The following HERC2 variants were observed in gnomAD, a reference collection of about 807,000 sequenced individuals.
HERC2 encodes E3 ubiquitin-protein ligase HERC2.
A neutral mutation model predicts 537.7 loss-of-function variants in HERC2; 102 were observed. The observed-to-expected ratio is 0.19, with a 90% CI of 0.16 to 0.22. The LOEUF is 0.22. HERC2 is among the 10% of genes least tolerant of loss of function. HERC2 has a pLI of 1.00. For synonymous variants in HERC2, 2,224 were observed against 2,466.2 expected, an observed-to-expected ratio of 0.90 and a Z score of 2.91; for missense variants, 4,236 against 6,198.2, an observed-to-expected ratio of 0.68 and a Z score of 10.63.
chr15:28,271,947 G>A (rs796328309), intron 9 of HERC2: 7 of 482,334 alleles, frequency 1.5e-5, no homozygotes, highest in East Asian at 3.5e-5. Context: ...AAAGCAGGCC[G>A]CTATTTTCGT....
intron 45 of HERC2, among the ~76,000 whole-genome samples, chr15:28,204,832 G>A (rs1898241580): frequency 6.6e-6 from 1 of 152,120 alleles, no homozygotes; most frequent in Admixed American, 6.5e-5. Flanking sequence ...CTACTAACAA[G>A]GAGAAGACTT....
In HERC2 at chr15:28,111,447, T is replaced by G; in HGVS notation, c.*316A>C. The G allele has an allele frequency of 8.8e-6, 3 of 339,730 alleles. No individual in the cohort carries two copies. The highest frequency in any genetic ancestry group is 1.6e-5 in the Non-Finnish European group (3 of 188,340). The allele number at this position is 339,730 out of a possible 1,614,324, so 21.0% of individuals were successfully genotyped here. Reference sequence around the variant, plus strand: ...GATTGCACCCACAAGTAAAAAGGCTTTATTCATTTTGGGGATGCTGCAATT... The same window carrying G: ...GATTGCACCCACAAGTAAAAAGGCTGTATTCATTTTGGGGATGCTGCAATT... On this transcript the variant is annotated 3_prime_UTR_variant, in exon 93 of 93. Coordinates refer to ENST00000261609, the MANE Select transcript of HERC2 (RefSeq NM_004667.6).
chr15:28,153,550 C>G (rs1039853572), intron 69 of HERC2, among the ~76,000 whole-genome samples: 12 of 152,082 alleles, frequency 7.9e-5, no homozygotes, highest in Admixed American at 7.2e-4. Flanking sequence ...ACCCAGGAGG[C>G]TGAGGCAGGA....
intron 4 of HERC2, among the ~76,000 whole-genome samples, chr15:28,292,077 A>G (rs2076330367): frequency 1.3e-5 from 2 of 150,246 alleles, no homozygotes; most frequent in African/African-American, 4.9e-5. Flanking sequence ...AAAATACAAA[A>G]AATTAGCCAG....
chr15:28,266,851 C>T (rs79097182), intron 12 of HERC2, among the ~76,000 whole-genome samples: 10,459 of 152,126 alleles, frequency 0.069, 873 homozygotes, highest in East Asian at 0.41. Flanking sequence ...GACCCAACTG[C>T]GTGCACTTGT....
chr15:28,220,867 G>A (rs1346865919), intron 36 of HERC2, among the ~76,000 whole-genome samples: 3 of 148,758 alleles, frequency 2.0e-5, no homozygotes, highest in African/African-American at 7.5e-5. Context: ...GTCCTTCCAT[G>A]GCTCCCACCA....
At chr15:28,255,836 T>A (rs762723457) in intron 19 of HERC2, 36 bp downstream of exon 19, 7 of 1,590,522 alleles carry the variant, frequency 4.4e-6, no homozygotes, top group Non-Finnish European at 6.0e-6. Flanking sequence ...CTGATCTCAG[T>A]GCACCACCAG....
chr15:28,237,951 G>A (rs946948374), intron 25 of HERC2, among the ~76,000 whole-genome samples, 163 bp downstream of exon 25: 5 of 152,152 alleles, frequency 3.3e-5, no homozygotes, highest in Non-Finnish European at 7.3e-5. Flanking sequence ...ATGAATAAAT[G>A]TAAATTCATT....
chr15:28,277,050 G>T (rs1027041360), intron 5 of HERC2, among the ~76,000 whole-genome samples: 2 of 152,144 alleles, frequency 1.3e-5, no homozygotes, highest in African/African-American at 4.8e-5. Context: ...ACTCCAGCTT[G>T]TGGGCATCAG....
At position 28,280,229 on chromosome 15, in the gene HERC2, G is replaced by C. The variant is rs757177576; in HGVS notation, c.381C>G (p.Ala127=). The C allele has an allele frequency of 6.2e-7, 1 of 1,614,080 alleles. No homozygotes were observed. Among genetic ancestry groups the C allele is most frequent in the African/African-American group, 1.3e-5 (1 of 75,024 alleles). ...AGAGGGTGGTGGTGGCTGACTGGAC[G>C]GCCAGGGCCTGCTGCTCTTTAACCA... The part of the protein sequence containing the change: ...SVLVKEQQAL[A]VQSATTTLSA... The change falls in exon 5 of 93, where the codon GCC becomes GCG. Residue 127 remains alanine, a synonymous_variant. Coordinates refer to ENST00000261609, the MANE Select transcript of HERC2 (RefSeq NM_004667.6).
Position 28,238,601 on chromosome 15 carries a change from C to G in HERC2, c.3748+1G>C. 6.2e-7 allele frequency: 1 copy of G among 1,607,666 alleles called. No homozygotes were observed. The highest frequency in any genetic ancestry group is 1.3e-5 in the African/African-American group (1 of 74,848). On this transcript the variant is annotated splice_donor_variant, in intron 24 of 92. Coordinates refer to ENST00000261609, the MANE Select transcript of HERC2 (RefSeq NM_004667.6). LOFTEE classifies it high-confidence loss of function. ...CCAGGAAATAACAAGTGTAATCTTACCAAGAATACTATTTCCTGTTAACGA... is the reference window on the plus strand; with the variant it reads ...CCAGGAAATAACAAGTGTAATCTTAGCAAGAATACTATTTCCTGTTAACGA...
chr15:28,111,921 A>G lies in HERC2; in HGVS notation c.14347T>C (p.Tyr4783His), dbSNP rs761997458. ...ATGGACTTGCAGAAGTGGATGGCGT[A>G]CTTGAGCTTCTCCTCCAGCACCTGC... ...CKQVLEEKLK[Y>H]AIHFCKSIDT... The change falls in exon 93 of 93, where the codon TAC becomes CAC. Residue 4783 changes from tyrosine (Y) to histidine (H), a missense_variant. By Grantham distance (83) the Tyr-to-His change is moderately conservative. Around this residue, in one of 27 missense-constraint regions of HERC2, gnomAD observed 313 missense variants for 462.6 expected, o/e 0.68. Transcript: ENST00000261609. 1 of 1,614,224 alleles carries G rather than the reference A, an allele frequency of 6.2e-7. No homozygotes were observed.
intron 16 of HERC2, 62 bp downstream of exon 16, chr15:28,260,715 G>T: frequency 1.5e-6 from 2 of 1,360,772 alleles, no homozygotes; most frequent in Non-Finnish European, 2.1e-6. Context: ...TCTACATACT[G>T]GTAATGAACA....
chr15:28,233,040 T>C (rs1902044460), intron 30 of HERC2, 106 bp downstream of exon 30: 3 of 785,550 alleles, frequency 3.8e-6, no homozygotes, highest in Non-Finnish European at 6.2e-6. Context: ...GGTAGAAATG[T>C]CACATGGAAT....
chr15:28,155,245 T>C (rs1486138876), intron 69 of HERC2, among the ~76,000 whole-genome samples: 3 of 152,254 alleles, frequency 2.0e-5, no homozygotes, highest in East Asian at 1.9e-4. Context: ...TGTGTCTTTA[T>C]AGCAGCATGA....
At chr15:28,193,342 A>G (rs887258953) in intron 52 of HERC2, among the ~76,000 whole-genome samples, 4 of 152,224 alleles carry the variant, frequency 2.6e-5, no homozygotes, top group African/African-American at 9.6e-5. Flanking sequence ...TAAATTGAAT[A>G]ATTAAAATTA....
At chr15:28,290,275 T>C (rs1254801646) in intron 4 of HERC2, among the ~76,000 whole-genome samples, 2 of 152,174 alleles carry the variant, frequency 1.3e-5, no homozygotes, top group Non-Finnish European at 2.9e-5. Context: ...CTTGATCTCA[T>C]TAAGCTTTAC....
intron 70 of HERC2, among the ~76,000 whole-genome samples, chr15:28,150,251 C>T (rs962612853): frequency 1.3e-5 from 2 of 151,330 alleles, no homozygotes; most frequent in African/African-American, 4.9e-5. Context: ...GTAAAATTAC[C>T]GAAGAAACAC....
chr15:28,232,643 ATT>A (rs948917424), intron 30 of HERC2, among the ~76,000 whole-genome samples: 1 of 152,146 alleles, frequency 6.6e-6, no homozygotes, highest in Non-Finnish European at 1.5e-5. Context: ...ATTTCTAAGC[ATT>A]TTTATTCAAA....
Sources: allele counts gnomAD v4.1 joint callset (sites outside exome capture counted in the v4.1 genomes callset), GRCh38; gene constraint gnomAD v4.1.1; regional missense constraint gnomAD v4.1.1; transcripts MANE v1.5; gene names NCBI Gene and HGNC (gene_info 2026-07-23, HGNC 2026-07-21).